The following TCERG1L variants were observed in gnomAD, a reference collection of about 807,000 sequenced individuals.
TCERG1L encodes the protein transcription elongation regulator 1 like.
Under a neutral mutation model 56.3 loss-of-function variants are expected in TCERG1L, and 37 were observed. The ratio of observed to expected loss-of-function variants is 0.66; its 90% confidence interval spans 0.51 to 0.87. The LOEUF is 0.87. Ranked by LOEUF, TCERG1L falls within the 40% of genes least tolerant of loss-of-function variation. The pLI is 0.00. For missense variants in TCERG1L, 799 were observed against 774.2 expected (o/e 1.03, Z -0.38); for synonymous variants, 324 against 326.3 (o/e 0.99, Z 0.08).
chr10:131,142,483 C>G (rs1385024208), intron 7 of TCERG1L, among the ~76,000 whole-genome samples: 1 of 152,234 alleles, frequency 6.6e-6, no homozygotes, highest in Non-Finnish European at 1.5e-5. Context: ...ATGTCATTAT[C>G]AATTTACATT....
chr10:131,131,142 T>C (rs559560530), intron 8 of TCERG1L, among the ~76,000 whole-genome samples: 3 of 152,094 alleles, frequency 2.0e-5, no homozygotes, highest in Non-Finnish European at 4.4e-5. Context: ...ATTCCAGAAA[T>C]CACAGGTGTG....
At chr10:131,153,870 A>G (rs935755049) in intron 6 of TCERG1L, among the ~76,000 whole-genome samples, 9 of 152,298 alleles carry the variant, frequency 5.9e-5, no homozygotes, top group African/African-American at 1.7e-4. Flanking sequence ...TCCAGGCCAC[A>G]AAGAGCCCAG....
chr10:131,169,866 C>T (rs1399818276), intron 4 of TCERG1L, among the ~76,000 whole-genome samples: 1 of 152,164 alleles, frequency 6.6e-6, no homozygotes, highest in African/African-American at 2.4e-5. Flanking sequence ...CAAATGACAG[C>T]ATTGCCTAGT....
intron 4 of TCERG1L, among the ~76,000 whole-genome samples, chr10:131,179,410 G>A (rs919619325): frequency 6.6e-6 from 1 of 152,212 alleles, no homozygotes; most frequent in Admixed American, 6.5e-5. Context: ...AATAGAAGTA[G>A]GAAGAATGTG....
chr10:131,176,426 A>G (rs1846150824), intron 4 of TCERG1L, among the ~76,000 whole-genome samples: 2 of 50,348 alleles, frequency 4.0e-5, no homozygotes, highest in African/African-American at 4.7e-4. Flanking sequence ...ACCAAGACAC[A>G]TGTACACACA....
intron 7 of TCERG1L, among the ~76,000 whole-genome samples, chr10:131,134,785 T>C (rs1387874165): frequency 6.6e-6 from 1 of 152,122 alleles, no homozygotes; most frequent in Non-Finnish European, 1.5e-5. Context: ...CAAATCTATG[T>C]CATGTTCTTG....
chr10:131,181,716 C>T (rs1208593573), intron 4 of TCERG1L, among the ~76,000 whole-genome samples: 2 of 152,234 alleles, frequency 1.3e-5, no homozygotes, highest in Non-Finnish European at 2.9e-5. Context: ...CAGGGAGAGG[C>T]TCTCCGTGTC....
intron 4 of TCERG1L, among the ~76,000 whole-genome samples, chr10:131,249,766 A>C (rs1466867416): frequency 6.6e-6 from 1 of 152,178 alleles, no homozygotes; most frequent in Admixed American, 6.5e-5. Context: ...TCGCTGGCTC[A>C]CGCATTACTG....
chr10:131,100,630 T>A (rs1205221968), intron 10 of TCERG1L, among the ~76,000 whole-genome samples: 2 of 152,186 alleles, frequency 1.3e-5, no homozygotes, highest in African/African-American at 2.4e-5. Context: ...CAGGCCTGAT[T>A]CACACTCCCT....
At chr10:131,243,407 C>T (rs1043384128) in intron 4 of TCERG1L, among the ~76,000 whole-genome samples, 1 of 152,102 alleles carries the variant, frequency 6.6e-6, no homozygotes, top group African/African-American at 2.4e-5. Flanking sequence ...CGTTGCAAAC[C>T]CCGTCTCTAC....
chr10:131,116,882 C>T lies in TCERG1L; in HGVS notation c.1312G>A (p.Gly438Ser). Residue 438 changes from glycine (G) to serine (S), a missense_variant, in exon 9 of 12, where the codon GGC becomes AGC. By Grantham distance (56) the Gly-to-Ser change is moderately conservative (BLOSUM62 0). Coordinates refer to ENST00000368642, the MANE Select transcript of TCERG1L (RefSeq NM_174937.4). Reference protein sequence around the residue: ...KPEEAKREDKGTRTPPPQILL... With the variant: ...KPEEAKREDKSTRTPPPQILL... ...ATCTGCGGGGGCGGCGTCCTTGTGC[C>T]TTTGTCCTCTCTCTTTGCCTCCTCT... The T allele has an allele frequency of 6.2e-7, 1 of 1,601,982 alleles. No homozygotes were observed.
chr10:131,271,135 T>G (rs892392654), intron 3 of TCERG1L, among the ~76,000 whole-genome samples: 3 of 151,482 alleles, frequency 2.0e-5, no homozygotes, highest in Non-Finnish European at 4.4e-5. Context: ...GCTGTTGAGA[T>G]GCTTCCAGAA....
chr10:131,302,172 CATGA>C (rs1159826734), intron 3 of TCERG1L, among the ~76,000 whole-genome samples: 1 of 151,914 alleles, frequency 6.6e-6, no homozygotes, highest in Non-Finnish European at 1.5e-5. Context: ...AACTTTTCCC[CATGA>C]ACCAAGCTTG....
At chr10:131,167,218 G>T (rs1329828548) in intron 4 of TCERG1L, among the ~76,000 whole-genome samples, 1 of 152,172 alleles carries the variant, frequency 6.6e-6, no homozygotes, top group Non-Finnish European at 1.5e-5. Flanking sequence ...TCAGCCTCTT[G>T]GACAAGCAGG....
intron 8 of TCERG1L, among the ~76,000 whole-genome samples, chr10:131,122,985 C>A (rs991523399): frequency 1.3e-5 from 2 of 152,190 alleles, no homozygotes; most frequent in Non-Finnish European, 2.9e-5. Context: ...TCCAAGGGGT[C>A]CTCCCAACTG....
rs1846432941 is a variant in TCERG1L, at chr10:131,279,917, C to A, written c.671-19473G>T. 2.0e-5 allele frequency among the ~76,000 whole-genome samples: 3 copies of A among 152,292 alleles called. No individual in the cohort carries two copies. The South Asian group carries it at 6.2e-4, about 32-fold the overall frequency. ...ACACCCTCCTCTCAACAGCAAATCC[C>A]ACAGGAGTGACAGGTGAGAGTTTCT... On this transcript the variant is annotated intron_variant, in intron 3 of 11. Coordinates refer to ENST00000368642, the MANE Select transcript of TCERG1L (RefSeq NM_174937.4).
intron 3 of TCERG1L, among the ~76,000 whole-genome samples, chr10:131,275,978 C>T (rs1846387986): frequency 6.6e-6 from 1 of 152,192 alleles, no homozygotes; most frequent in African/African-American, 2.4e-5. Flanking sequence ...GAATCTGAGA[C>T]ATGCCTGCCT....
intron 4 of TCERG1L, among the ~76,000 whole-genome samples, chr10:131,192,828 A>G (rs1845318596): frequency 7.0e-6 from 1 of 143,866 alleles, no homozygotes; most frequent in South Asian, 2.1e-4. Context: ...AAGCATACAG[A>G]GTGGCAAAAT....
chr10:131,115,012 C>G (rs11592040), intron 9 of TCERG1L, among the ~76,000 whole-genome samples: 28,143 of 152,230 alleles, frequency 0.18, 2,709 homozygotes, highest in Non-Finnish European at 0.23. Context: ...CCTGCACGTG[C>G]ACCTGTGGGT....
Sources: allele counts gnomAD v4.1 joint callset (sites outside exome capture counted in the v4.1 genomes callset), GRCh38; gene constraint gnomAD v4.1.1; transcripts MANE v1.5; gene names NCBI Gene and HGNC (gene_info 2026-07-23, HGNC 2026-07-21).